Variants in APOBEC3D observed in about 807,000 individuals in gnomAD.
The protein encoded by APOBEC3D is DNA dC->dU-editing enzyme APOBEC-3D.
APOBEC3D carries 37 observed loss-of-function variants against 45.6 expected under a neutral mutation model. The ratio of observed to expected loss-of-function variants is 0.81; its 90% CI spans 0.62 to 1.07. The LOEUF (loss-of-function observed/expected upper bound fraction) is 1.07. Among genes scored for constraint, APOBEC3D ranks in the 50% least tolerant of loss-of-function variants. The pLI is 0.00. For missense variants in APOBEC3D, 496 were observed against 495.3 expected (o/e 1.00, Z -0.01); for synonymous variants, 175 against 180.7 (o/e 0.97, Z 0.25).
intron 2 of APOBEC3D, among the ~76,000 whole-genome samples, chr22:39,024,494 A>G (rs193169849): frequency 3.9e-5 from 6 of 152,222 alleles, no homozygotes; most frequent in Non-Finnish European, 8.8e-5. Context: ...GCACCTTGTG[A>G]TGCTTCAACA....
chr22:39,032,333 T>C lies in APOBEC3D; in HGVS notation c.*17T>C. The C allele has an allele frequency of 6.2e-7, 1 of 1,612,906 alleles. No individual in the cohort carries two copies. The highest frequency in any genetic ancestry group is 8.5e-7 in the Non-Finnish European group (1 of 1,179,402). ...CTCCAGTGAGGGGTCTCCCTGGGCC[T>C]CATGGTCTGTCTCTTCTAGCCTCCT... On this transcript the variant is annotated 3_prime_UTR_variant, in exon 7 of 7. Coordinates refer to ENST00000216099, the MANE Select transcript of APOBEC3D (RefSeq NM_152426.4).
In APOBEC3D at chr22:39,032,757, TAA is replaced by T. The variant is rs1199127175; in HGVS notation, c.*442_*443del. On this transcript the variant is annotated 3_prime_UTR_variant, in exon 7 of 7. Transcript: ENST00000216099. ...ACAGATGCCTGCCACCACGCCCAGC[TAA>T]TTTTTTTTTTTTTTTTTTTTTTTTT... 670 of 142,650 alleles carry T rather than the reference TAA, an allele frequency of 4.7e-3. 28 individuals carry two copies. The highest frequency in any genetic ancestry group is 0.034 in the African/African-American group (637 of 18,604). 8.8% of individuals were successfully genotyped at this position (142,650 alleles called of 1,614,324 possible). A position where few individuals can be genotyped will look rare whatever the true frequency, so the allele number is the denominator to read the frequency against.
rs558731945 is a variant in APOBEC3D at position 39,021,396 on chromosome 22, G to A, written c.-124G>A. On this transcript the variant is annotated 5_prime_UTR_variant, in exon 1 of 7. It adds an upstream start codon to the 5' untranslated region. Transcript: ENST00000216099. ...GCTGGGATTACAGGCGTGAGCCACC[G>A]TGCCCGGCCGGGAGGTCACTTTAAG... 144 of 1,415,368 alleles carry A rather than the reference G, an allele frequency of 1.0e-4. No individual in the cohort carries two copies. In the African/African-American group the frequency reaches 1.6e-3, roughly 16 times the overall value. The allele number at this position is 1,415,368 out of a possible 1,614,324, so 87.7% of individuals were successfully genotyped here. A position where few individuals can be genotyped will look rare whatever the true frequency, so the allele number is the denominator to read the frequency against.
Position 39,025,599 on chromosome 22 carries a change from A to G in APOBEC3D, c.533A>G (p.Gln178Arg). The G allele has an allele frequency of 6.2e-7, 1 of 1,614,146 alleles. No individual in the cohort carries two copies. The highest frequency in any genetic ancestry group is 8.5e-7 in the Non-Finnish European group (1 of 1,180,016). ...GAAAACTTTGTGTGCAATGAAGGTCAGCCATTCATGCCTTGGTACAAATTC... is the reference window on the plus strand; with the variant it reads ...GAAAACTTTGTGTGCAATGAAGGTCGGCCATTCATGCCTTGGTACAAATTC... The part of the protein sequence containing the change: ...CWENFVCNEG[Q>R]PFMPWYKFDD... Residue 178 changes from glutamine (Q) to arginine (R), a missense_variant, in exon 4 of 7, where the codon CAG (glutamine) becomes CGG (arginine). Transcript: ENST00000216099.
rs768343162 is a variant in APOBEC3D at position 39,025,303 on chromosome 22, C to T, written c.444C>T (p.Leu148=). 2 of 1,614,124 alleles carry T rather than the reference C, an allele frequency of 1.2e-6. No individual in the cohort carries two copies. The highest frequency in any genetic ancestry group is 3.3e-5 in the Admixed American group (2 of 59,998). The part of the protein sequence containing the change: ...YRDRDWRWVL[L]RLHKAGARVK... ...ATAGAGATTGGCGGTGGGTGCTCCT[C>T]AGGCTGCATAAGGCAGGGGCCCGTG... Residue 148 remains leucine, a synonymous_variant, in exon 3 of 7, where the codon CTC becomes CTT. Transcript: ENST00000216099.
At position 39,032,569 on chromosome 22, in the gene APOBEC3D, T is replaced by A; in HGVS notation, c.*253T>A. The A allele has an allele frequency of 4.5e-6, 5 of 1,116,516 alleles. No individual in the cohort carries two copies. The highest frequency in any genetic ancestry group is 4.4e-6 in the Non-Finnish European group (4 of 904,612). The allele number at this position is 1,116,516 out of a possible 1,614,324, so 69.2% of individuals were successfully genotyped here. A position where few individuals can be genotyped will look rare whatever the true frequency, so the allele number is the denominator to read the frequency against. On this transcript the variant is annotated 3_prime_UTR_variant, in exon 7 of 7. Coordinates refer to ENST00000216099, the MANE Select transcript of APOBEC3D (RefSeq NM_152426.4). The stretch of plus-strand genomic sequence containing the variant: ...GGTGCCCCTAACTTGACTCTTCCCA[T>A]CTCCCCAGCATAACCAAATCTTTTT...
rs759168876 is a variant in APOBEC3D, at chr22:39,025,093, C to T, written c.234C>T (p.His78=). 11 of 1,581,710 alleles carry T rather than the reference C, an allele frequency of 7.0e-6. No homozygotes were observed. The highest frequency in any genetic ancestry group is 2.7e-5 in the African/African-American group (2 of 74,050). Residue 78 remains histidine (H), a synonymous_variant, in exon 3 of 7, where the codon CAC becomes CAT. Coordinates refer to ENST00000216099, the MANE Select transcript of APOBEC3D (RefSeq NM_152426.4). ...AGGTGTATTTCCGGTTTGAGAACCA[C>T]GCAGAAATGTGCTTCTTATCTTGGT... The part of the protein sequence containing the change: ...RQEVYFRFEN[H]AEMCFLSWFC...
At chr22:39,032,077 A>G in intron 6 of APOBEC3D, 104 bp downstream of exon 6, 1 of 1,586,594 alleles carries the variant, frequency 6.3e-7, no homozygotes, top group South Asian at 1.2e-5. Context: ...GGAAGCCTGC[A>G]GGGATGGGGC....
In APOBEC3D at chr22:39,024,625, A is replaced by G. The variant is rs577529853; in HGVS notation, c.211-445A>G. Among the ~76,000 whole-genome samples, 26 of 152,268 alleles carry G rather than the reference A, an allele frequency of 1.7e-4. 1 individual carries two copies. In the South Asian group the frequency reaches 5.2e-3, roughly 30 times the overall value. Reference sequence around the variant, plus strand: ...CAGGGCCTGCGAGCTGCACAGTCACATGGGGGTGAAGGTTGTTGCCAGAAG... The same window carrying G: ...CAGGGCCTGCGAGCTGCACAGTCACGTGGGGGTGAAGGTTGTTGCCAGAAG... On this transcript the variant is annotated intron_variant, in intron 2 of 6. Transcript: ENST00000216099.
Position 39,022,810 on chromosome 22 carries a change from T to C in APOBEC3D, c.18-12T>C. 3 of 1,601,288 alleles carry C rather than the reference T, an allele frequency of 1.9e-6. No homozygotes were observed. The highest frequency in any genetic ancestry group is 2.6e-6 in the Non-Finnish European group (3 of 1,174,738). On this transcript the variant is annotated splice_polypyrimidine_tract_variant and intron_variant, in intron 1 of 6. Coordinates refer to ENST00000216099, the MANE Select transcript of APOBEC3D (RefSeq NM_152426.4). ...CTCCCTGCATGGGCCGGTTTCTCTC[T>C]TGTGCCTTCAGAAATCCGATGGAGC...
intron 2 of APOBEC3D, 52 bp downstream of exon 2, chr22:39,023,066 C>A: frequency 1.4e-6 from 2 of 1,382,420 alleles, no homozygotes; most frequent in South Asian, 1.9e-5. Flanking sequence ...TGGCGGCGGG[C>A]TCTCAACTGT....
At chr22:39,029,848 C>T (rs1304073694) in intron 5 of APOBEC3D, among the ~76,000 whole-genome samples, 5 of 152,134 alleles carry the variant, frequency 3.3e-5, no homozygotes, top group East Asian at 1.9e-4. Context: ...TGACCTCAAG[C>T]GATCCGCCCC....
intron 5 of APOBEC3D, among the ~76,000 whole-genome samples, 188 bp downstream of exon 5, chr22:39,029,707 C>A (rs1926020858): frequency 6.6e-6 from 1 of 151,646 alleles, no homozygotes; most frequent in South Asian, 2.1e-4. Flanking sequence ...AAGCGATTCT[C>A]CTGCCTCAGC....
chr22:39,021,230 C>T lies in APOBEC3D; in HGVS notation c.-290C>T. ...TCAAGTGATTCTCCTGCCTCAGCCT[C>T]CAGAGTAGCTGGGATTACAGGCGCA... On this transcript the variant is annotated 5_prime_UTR_variant, in exon 1 of 7. Transcript: ENST00000216099. 4 of 363,206 alleles carry T rather than the reference C, an allele frequency of 1.1e-5. No individual in the cohort carries two copies. Among genetic ancestry groups the T allele is most frequent in the South Asian group, 1.0e-4 (4 of 39,384 alleles). 22.5% of individuals were successfully genotyped at this position (363,206 alleles called of 1,614,324 possible).
intron 5 of APOBEC3D, among the ~76,000 whole-genome samples, chr22:39,031,433 G>A (rs1223158000): frequency 2.0e-5 from 3 of 152,086 alleles, no homozygotes; most frequent in Non-Finnish European, 2.9e-5. Flanking sequence ...AGCCGGGCGT[G>A]GCAGCACACA....
At chr22:39,030,125 A>G (rs2146326258) in intron 5 of APOBEC3D, among the ~76,000 whole-genome samples, 1 of 150,082 alleles carries the variant, frequency 6.7e-6, no homozygotes, top group East Asian at 1.9e-4. Context: ...GGTGTCCAGC[A>G]CTGTGCCTGG....
chr22:39,031,368 G>A (rs1240561238), intron 5 of APOBEC3D, among the ~76,000 whole-genome samples: 1 of 152,144 alleles, frequency 6.6e-6, no homozygotes, highest in Non-Finnish European at 1.5e-5. Context: ...AAGATTTCGA[G>A]ATCAGCCTGG....
intron 4 of APOBEC3D, among the ~76,000 whole-genome samples, chr22:39,027,303 A>G (rs1925770544): frequency 6.6e-6 from 1 of 152,034 alleles, no homozygotes; most frequent in Admixed American, 6.5e-5. Context: ...GGGCACCCCC[A>G]CCCACTATTC....
chr22:39,026,268 C>T (rs1024299781), intron 4 of APOBEC3D, among the ~76,000 whole-genome samples: 1 of 152,166 alleles, frequency 6.6e-6, no homozygotes, highest in African/African-American at 2.4e-5. Context: ...CCCTTCCAGC[C>T]CTGTCCTCTC....
Sources: allele counts gnomAD v4.1 joint callset (sites outside exome capture counted in the v4.1 genomes callset), GRCh38; gene constraint gnomAD v4.1.1; transcripts MANE v1.5; gene names NCBI Gene and HGNC (gene_info 2026-07-23, HGNC 2026-07-21).